ZSCAN25: variants seen among roughly 807,000 people sequenced by gnomAD.
The protein encoded by ZSCAN25 is zinc finger and SCAN domain containing 25.
Under a neutral mutation model 38.7 loss-of-function variants are expected in ZSCAN25, and 27 were observed. That is an observed-to-expected ratio of 0.70 (90% CI 0.51 to 0.96). The LOEUF is 0.96. ZSCAN25 is among the 40% of genes least tolerant of loss of function. The pLI, the probability that ZSCAN25 is intolerant of heterozygous loss-of-function variation, is 0.00. For missense variants in ZSCAN25, 637 were observed against 705.9 expected, an observed-to-expected ratio of 0.90 and a Z score of 1.11; for synonymous variants, 273 against 277.7, an observed-to-expected ratio of 0.98 and a Z score of 0.17.
At chr7:99,650,731 C>T in the ZSCAN25 span, among the ~76,000 whole-genome samples, 4 of 152,042 alleles carry the variant, frequency 2.6e-5, no homozygotes, top group South Asian at 2.1e-4. Context: ...CTACCTTCCC[C>T]GTCCACCTTC....
the ZSCAN25 span, chr7:99,705,070 A>C: frequency 6.1e-6 from 1 of 163,398 alleles, no homozygotes; most frequent in Admixed American, 5.8e-5. Context: ...TGATTTGCTT[A>C]ATATAAAGCT....
At chr7:99,714,974 G>C in the ZSCAN25 span, among the ~76,000 whole-genome samples, 2 of 152,138 alleles carry the variant, frequency 1.3e-5, no homozygotes, top group Non-Finnish European at 2.9e-5. Context: ...TATGTATTGG[G>C]CTAGGGTCTC....
the ZSCAN25 span, among the ~76,000 whole-genome samples, chr7:99,650,499 T>C: frequency 1.3e-5 from 2 of 152,170 alleles, no homozygotes; most frequent in Admixed American, 1.3e-4. Flanking sequence ...CTCTAAACAC[T>C]AAAATTATAT....
the ZSCAN25 span, among the ~76,000 whole-genome samples, chr7:99,727,312 T>G: frequency 6.6e-6 from 1 of 152,212 alleles, no homozygotes; most frequent in African/African-American, 2.4e-5. Context: ...ACCCTAATAC[T>G]TTTAGAAGCC....
the ZSCAN25 span, among the ~76,000 whole-genome samples, chr7:99,731,456 G>A: frequency 6.6e-6 from 1 of 152,164 alleles, no homozygotes; most frequent in African/African-American, 2.4e-5. Flanking sequence ...GTTCAGGAAC[G>A]AATTCTTCCA....
At chr7:99,678,347 C>T in the ZSCAN25 span, among the ~76,000 whole-genome samples, 2 of 152,336 alleles carry the variant, frequency 1.3e-5, no homozygotes, top group African/African-American at 2.4e-5. Context: ...AATATTTTCT[C>T]ACTTCATATG....
the ZSCAN25 span, among the ~76,000 whole-genome samples, chr7:99,712,435 A>C: frequency 7.9e-5 from 12 of 152,314 alleles, no homozygotes; most frequent in South Asian, 2.5e-3. Flanking sequence ...TTAAAATCAA[A>C]TTTTATTCAA....
chr7:99,664,925 G>T, the ZSCAN25 span, among the ~76,000 whole-genome samples: 1 of 152,164 alleles, frequency 6.6e-6, no homozygotes, highest in Non-Finnish European at 1.5e-5. Context: ...GAGGCAGAAA[G>T]TTGATTATTG....
At chr7:99,735,182 G>T in the ZSCAN25 span, 1 of 1,525,188 alleles carries the variant, frequency 6.6e-7, no homozygotes, top group Non-Finnish European at 9.0e-7. Context: ...GAGCTTTCCT[G>T]CCCTGCACAG....
downstream of ZSCAN25, among the ~76,000 whole-genome samples, chr7:99,634,214 C>T (rs907402684): frequency 1.3e-5 from 2 of 152,206 alleles, no homozygotes. Flanking sequence ...TAAGGTCTGT[C>T]CTGGGGAAAT....
Position 99,630,326 on chromosome 7 carries a change from G to A in ZSCAN25, c.*306G>A. On this transcript the variant is annotated 3_prime_UTR_variant, in exon 8 of 8. Transcript: ENST00000394152. ...GTCCCCCTGCCGAACAAAGCTGGGA[G>A]TAAAGGCAAAACCTTGACACGTGTT... 1 of 1,164,392 alleles carries A rather than the reference G, an allele frequency of 8.6e-7. No homozygotes were observed. The highest frequency in any genetic ancestry group is 1.1e-6 in the Non-Finnish European group (1 of 942,260). 72.1% of individuals were successfully genotyped at this position (1,164,392 alleles called of 1,614,324 possible).
the ZSCAN25 span, chr7:99,685,271 A>G: frequency 1.1e-5 from 18 of 1,611,878 alleles, no homozygotes; most frequent in Non-Finnish European, 1.5e-5. Flanking sequence ...AGAAGCATTA[A>G]ATAAAGCAAA....
At chr7:99,699,860 C>G in the ZSCAN25 span, 1 of 758,586 alleles carries the variant, frequency 1.3e-6, no homozygotes, top group Non-Finnish European at 2.4e-6. Flanking sequence ...AGCTACTCCT[C>G]CTTGAACATC....
the ZSCAN25 span, among the ~76,000 whole-genome samples, chr7:99,669,088 A>G: frequency 6.6e-6 from 1 of 152,212 alleles, no homozygotes; most frequent in South Asian, 2.1e-4. Flanking sequence ...AATGCTTTTA[A>G]TTCCAGAATG....
rs1333882451 is a variant in ZSCAN25, at chr7:99,631,108, T to C, written c.*1088T>C. ...CCTCGTAGAGCTTATGTCTCGTGGA[T>C]GTACCTGATCTTCAGAACCCGTGGA... is the stretch of plus-strand genomic sequence containing the variant. On this transcript the variant is annotated 3_prime_UTR_variant, in exon 8 of 8. Transcript: ENST00000394152. 1.0e-6 allele frequency: 1 copy of C among 985,350 alleles called. No homozygotes were observed. Among genetic ancestry groups the C allele is most frequent in the Non-Finnish European group, 1.2e-6 (1 of 829,934 alleles). The allele number at this position is 985,350 out of a possible 1,614,324, so 61.0% of individuals were successfully genotyped here. A position where few individuals can be genotyped will look rare whatever the true frequency, so the allele number is the denominator to read the frequency against.
At chr7:99,662,749 A>G in the ZSCAN25 span, 1 of 1,449,744 alleles carries the variant, frequency 6.9e-7, no homozygotes, top group South Asian at 1.2e-5. This position sits in a 1 kb window ranked among gnomAD's most constrained non-coding sequence, Gnocchi z 4.3. Context: ...CTTCCTGCAC[A>G]TTTTCAGAAC....
chr7:99,681,624 A>G, the ZSCAN25 span, among the ~76,000 whole-genome samples: 1 of 152,186 alleles, frequency 6.6e-6, no homozygotes, highest in Non-Finnish European at 1.5e-5. Flanking sequence ...AAAAATGTCT[A>G]TTCAAATTTT....
At chr7:99,733,206 C>T in the ZSCAN25 span, among the ~76,000 whole-genome samples, 1 of 152,212 alleles carries the variant, frequency 6.6e-6, no homozygotes, top group Non-Finnish European at 1.5e-5. Flanking sequence ...AAATCAATGG[C>T]ACTAATCTCT....
chr7:99,687,028 A>T, the ZSCAN25 span, among the ~76,000 whole-genome samples: 2 of 152,152 alleles, frequency 1.3e-5, no homozygotes, highest in Non-Finnish European at 2.9e-5. Context: ...TCTGTACATC[A>T]CCATCATCAA....
Sources: gnomAD v4.1 joint callset for allele counts (sites outside exome capture counted in the v4.1 genomes callset) on GRCh38, gnomAD v4.1.1 for gene constraint, Gnocchi (gnomAD v3.1) non-coding constraint, MANE v1.5 for transcripts, NCBI Gene and HGNC (gene_info 2026-07-23, HGNC 2026-07-21) for gene names.